The following PDZD11 variants were observed in gnomAD, a reference collection of about 807,000 sequenced individuals.
The protein encoded by PDZD11 is PDZ domain containing 11.
PDZD11 carries 2 observed loss-of-function variants against 13.7 expected under a neutral mutation model. The ratio of observed to expected loss-of-function variants is 0.15; its 90% CI spans 0.06 to 0.46. The LOEUF (loss-of-function observed/expected upper bound fraction) is 0.46, where lower values mean the gene tolerates loss of function less well. Ranked by LOEUF, PDZD11 falls within the 20% of genes least tolerant of loss-of-function variation. The pLI is 0.98. For missense variants in PDZD11, 44 were observed against 111.7 expected (o/e 0.39, Z 2.73); for synonymous variants, 32 against 37.5 (o/e 0.85, Z 0.54).
chrX:70,288,330 A>G, intron 3 of PDZD11, 100 bp downstream of exon 3: 4 of 901,573 alleles, frequency 4.4e-6, no homozygotes, highest in Non-Finnish European at 6.4e-6. Context: ...CAAGAAGGAA[A>G]GTTTCCTCAC....
At chrX:70,287,385 C>T (rs745860133) in intron 5 of PDZD11, 49 bp from the exon 6 acceptor site, 2 of 1,069,635 alleles carry the variant, frequency 1.9e-6, no homozygotes, top group Admixed American at 4.4e-5. Flanking sequence ...TGACCCAAGA[C>T]AGAATCATAA....
intron 2 of PDZD11, among the ~76,000 whole-genome samples, 191 bp from the exon 3 acceptor site, chrX:70,288,704 C>A (rs1008419626): frequency 1.7e-4 from 12 of 70,396 alleles, no homozygotes; most frequent in Non-Finnish European, 3.2e-4. Context: ...CATTTCTTCA[C>A]CTTTTTTTTT....
rs768936239 is a variant in PDZD11, at chrX:70,287,762, A to G, written c.297T>C (p.Asp99=). Residue 99 remains aspartate (D), a synonymous_variant, in exon 5 of 7, where the codon GAT becomes GAC. Transcript: ENST00000239666. ...QEGDQVLAVN[D]VDFQDIEHSK... is the part of the protein sequence containing the mutation. ...TGTGCTCAATATCTTGGAAATCCACATCATTCACAGCTAGAACTTGGTCCC... is the reference window on the plus strand; with the variant it reads ...TGTGCTCAATATCTTGGAAATCCACGTCATTCACAGCTAGAACTTGGTCCC... 1.7e-6 allele frequency: 2 copies of G among 1,209,499 alleles called. No homozygotes were observed. Among genetic ancestry groups the G allele is most frequent in the East Asian group, 3.0e-5 (1 of 33,843 alleles).
intron 2 of PDZD11, among the ~76,000 whole-genome samples, chrX:70,288,876 G>A (rs2085737982): frequency 9.0e-6 from 1 of 110,618 alleles, no homozygotes; most frequent in Non-Finnish European, 1.9e-5. Context: ...GGCTAATTTT[G>A]TATTTTTAGT....
intron 1 of PDZD11, 111 bp from the exon 2 acceptor site, chrX:70,289,465 C>A (rs1022442278): frequency 2.7e-6 from 3 of 1,120,032 alleles, no homozygotes; most frequent in Non-Finnish European, 3.6e-6. Context: ...ACAGGCCCAG[C>A]CCATATCTAG....
At chrX:70,287,896 C>T (rs1458660236) in intron 4 of PDZD11, 66 bp from the exon 5 acceptor site, 7 of 879,656 alleles carry the variant, frequency 8.0e-6, no homozygotes, top group African/African-American at 7.9e-5. Flanking sequence ...CAGTGAAATT[C>T]GGTGCTATTC....
In PDZD11 at chrX:70,287,911, G is replaced by T. The variant is rs187462498; in HGVS notation, c.229-81C>A. 4.9e-6 allele frequency: 4 copies of T among 822,914 alleles called. No homozygotes were observed. The African/African-American group carries it at 8.0e-5, about 17-fold the overall frequency. 67.8% of individuals were successfully genotyped at this position (822,914 alleles called of 1,213,427 possible). A position where few individuals can be genotyped will look rare whatever the true frequency, so the allele number is the denominator to read the frequency against. On this transcript the variant is annotated intron_variant, in intron 4 of 6. Transcript: ENST00000239666. ...CAGTGAAATTCGGTGCTATTCAAATGTATGGTGCTATTGTTTTTCTGTGAC... is the reference window on the plus strand; with the variant it reads ...CAGTGAAATTCGGTGCTATTCAAATTTATGGTGCTATTGTTTTTCTGTGAC...
chrX:70,287,375 T>A, intron 5 of PDZD11, 39 bp from the exon 6 acceptor site: 1 of 1,118,271 alleles, frequency 8.9e-7, no homozygotes, highest in Non-Finnish European at 1.2e-6. Flanking sequence ...TGAAGAGATA[T>A]GACCCAAGAC....
chrX:70,288,079 G>A, intron 4 of PDZD11, 38 bp downstream of exon 4: 2 of 1,091,393 alleles, frequency 1.8e-6, no homozygotes, highest in South Asian at 3.7e-5. Context: ...TTTAACAAAG[G>A]GAAGTAACGA....
At position 70,286,756 on chromosome X, in the gene PDZD11, T is replaced by C. The variant is rs2085720742; in HGVS notation, c.*326A>G. The C allele has an allele frequency of 9.5e-6, 2 of 211,124 alleles. No individual in the cohort carries two copies. Among genetic ancestry groups the C allele is most frequent in the Admixed American group, 1.3e-4 (2 of 14,867 alleles). 17.4% of individuals were successfully genotyped at this position (211,124 alleles called of 1,213,427 possible). On this transcript the variant is annotated 3_prime_UTR_variant, in exon 7 of 7. Coordinates refer to ENST00000239666, the MANE Select transcript of PDZD11 (RefSeq NM_016484.5). ...AGATGGAAAATCCCCAAGATTCTTTTTGCTACTGATTTCTATAATTAAAAT... is the reference window on the plus strand; with the variant it reads ...AGATGGAAAATCCCCAAGATTCTTTCTGCTACTGATTTCTATAATTAAAAT...
chrX:70,287,488 CTCTT>C (rs2085726193), intron 5 of PDZD11, 152 bp from the exon 6 acceptor site: 5 of 525,004 alleles, frequency 9.5e-6, no homozygotes, highest in South Asian at 3.0e-5. Context: ...CTTTCTCTCT[CTCTT>C]TTTGTTTGTT....
chrX:70,287,438 T>C (rs1390117504), intron 5 of PDZD11, 102 bp from the exon 6 acceptor site: 1 of 648,390 alleles, frequency 1.5e-6, no homozygotes, highest in African/African-American at 2.2e-5. Flanking sequence ...GTGTCACTAA[T>C]AGCTGCTTCC....
chrX:70,289,452 T>G, intron 1 of PDZD11, 98 bp from the exon 2 acceptor site: 1 of 1,151,984 alleles, frequency 8.7e-7, no homozygotes, highest in Non-Finnish European at 1.2e-6. Flanking sequence ...AGGCAGTCAG[T>G]CTACAGGCCC....
At chrX:70,289,602 C>T (rs910816959) in intron 1 of PDZD11, 26 of 375,780 alleles carry the variant, frequency 6.9e-5, no homozygotes, top group Non-Finnish European at 1.2e-4. Context: ...TCCTGCAAAA[C>T]AGATGTTACC....
At chrX:70,289,444 GCAGT>G (rs765175262) in intron 1 of PDZD11, 90 bp from the exon 2 acceptor site, 2 of 1,159,573 alleles carry the variant, frequency 1.7e-6, no homozygotes, top group Non-Finnish European at 2.3e-6. Context: ...CCATTCCAAG[GCAGT>G]CAGTCTACAG....
In PDZD11 at chrX:70,287,267, G is replaced by A. The variant is rs762277992; in HGVS notation, c.388+9C>T. ...TGTCAGGAAAGTGAAAAAAGAAAGT[G>A]GCACTTACTGTAGGGAAAGAAGCGC... On this transcript the variant is annotated intron_variant, in intron 6 of 6. Coordinates refer to ENST00000239666, the MANE Select transcript of PDZD11 (RefSeq NM_016484.5). The A allele has an allele frequency of 1.7e-6, 2 of 1,203,431 alleles. No homozygotes were observed. The highest frequency in any genetic ancestry group is 3.5e-5 in the South Asian group (2 of 56,535).
Position 70,289,106 on chromosome X carries a change from G to A in PDZD11, c.87+149C>T. On this transcript the variant is annotated intron_variant, in intron 2 of 6. Coordinates refer to ENST00000239666, the MANE Select transcript of PDZD11 (RefSeq NM_016484.5). ...AAAGAAGTTCCCAATGGGTCCTGTT[G>A]CTCAGAATCCAGCTTCTGGGTCCTC... The A allele has an allele frequency of 6.2e-6, 3 of 484,429 alleles. No individual in the cohort carries two copies. The South Asian group carries it at 9.9e-5, about 16-fold the overall frequency. The allele number at this position is 484,429 out of a possible 1,213,427, so 39.9% of individuals were successfully genotyped here. A position where few individuals can be genotyped will look rare whatever the true frequency, so the allele number is the denominator to read the frequency against.
chrX:70,288,365 C>T (rs774578725), intron 3 of PDZD11, 65 bp downstream of exon 3: 41 of 1,017,990 alleles, frequency 4.0e-5, no homozygotes, highest in Middle Eastern at 2.5e-4. Context: ...TCCAATCCAT[C>T]CCCCCAACAC....
chrX:70,287,212 C>T, intron 6 of PDZD11, 64 bp downstream of exon 6: 1 of 1,153,683 alleles, frequency 8.7e-7, no homozygotes, highest in Non-Finnish European at 1.2e-6. Context: ...CTCTAGTCAT[C>T]AGTATTTAAA....
Sources: gnomAD v4.1 joint callset for allele counts (sites outside exome capture counted in the v4.1 genomes callset) on GRCh38, gnomAD v4.1.1 for gene constraint, MANE v1.5 for transcripts, NCBI Gene and HGNC (gene_info 2026-07-23, HGNC 2026-07-21) for gene names.